DLGAP2: variants seen among roughly 807,000 people sequenced by gnomAD.
The protein encoded by DLGAP2 is DLG associated protein 2, also known as disks large-associated protein 2.
DLGAP2 carries 26 observed loss-of-function variants against 100.3 expected under a neutral mutation model. The observed-to-expected ratio is 0.26, with a 90% CI of 0.19 to 0.36. DLGAP2 has a LOEUF of 0.36. Ranked by LOEUF, DLGAP2 falls within the 10% of genes least tolerant of loss-of-function variation. The pLI is 1.00. For missense variants in DLGAP2, 1,858 were observed against 1,453.2 expected, an observed-to-expected ratio of 1.28 and a Z score of -4.53; for synonymous variants, 886 against 630.1, an observed-to-expected ratio of 1.41 and a Z score of -6.08.
intron 4 of DLGAP2, among the ~76,000 whole-genome samples, chr8:1,520,325 A>G (rs987883769): frequency 6.6e-6 from 1 of 152,086 alleles, no homozygotes; most frequent in African/African-American, 2.4e-5. Flanking sequence ...CCCAGAAAGT[A>G]TTTGGGGAGC....
At chr8:1,060,330 G>A (rs112324702) in intron 2 of DLGAP2, among the ~76,000 whole-genome samples, 3 of 60,130 alleles carry the variant, frequency 5.0e-5, no homozygotes, top group African/African-American at 1.5e-4. Flanking sequence ...CCCTGAGGGC[G>A]TTGGTCCCTC....
rs547835351 is a variant in DLGAP2, at chr8:1,665,708, G to A, written c.1811-2621G>A. On this transcript the variant is annotated intron_variant, in intron 8 of 14. Coordinates refer to ENST00000637795, the MANE Select transcript of DLGAP2 (RefSeq NM_001346810.2). The stretch of plus-strand genomic sequence containing the variant: ...ACTGGAGAGGTCATTGAGAGCCCCC[G>A]TCCGCAGTCTCGCTCCAGCGCGCAG... Among the ~76,000 whole-genome samples, 6 of 152,334 alleles carry A rather than the reference G, an allele frequency of 3.9e-5. No homozygotes were observed. The South Asian group carries it at 6.2e-4, about 16-fold the overall frequency.
At chr8:1,534,872 C>G (rs1313645441) in intron 4 of DLGAP2, among the ~76,000 whole-genome samples, 1 of 152,242 alleles carries the variant, frequency 6.6e-6, no homozygotes. Flanking sequence ...TTGCACGACC[C>G]ACTCTGGAAC....
chr8:820,111 A>C (rs1186326557), intron 1 of DLGAP2, among the ~76,000 whole-genome samples: 2 of 152,242 alleles, frequency 1.3e-5, no homozygotes, highest in Non-Finnish European at 2.9e-5. Flanking sequence ...TTTTCAAGTT[A>C]GTCAGGAAAA....
intron 3 of DLGAP2, among the ~76,000 whole-genome samples, chr8:1,275,978 A>T (rs1011146583): frequency 2.0e-4 from 26 of 130,524 alleles, no homozygotes; most frequent in African/African-American, 7.3e-4. Context: ...ATATATAAAT[A>T]TAATATATAA....
chr8:1,127,159 C>T (rs1405023218), intron 2 of DLGAP2, among the ~76,000 whole-genome samples: 1 of 150,134 alleles, frequency 6.7e-6, no homozygotes, highest in East Asian at 2.0e-4. Context: ...CCCACCCTGT[C>T]CCCAACCCAG....
chr8:847,347 A>G (rs1797089583), intron 1 of DLGAP2, among the ~76,000 whole-genome samples: 1 of 152,084 alleles, frequency 6.6e-6, no homozygotes. Context: ...ACCGGCTATT[A>G]GTGTTTTATT....
chr8:884,489 T>C (rs988280938), intron 1 of DLGAP2, among the ~76,000 whole-genome samples: 2 of 152,168 alleles, frequency 1.3e-5, no homozygotes, highest in Non-Finnish European at 2.9e-5. Context: ...TGTTTTTTTT[T>C]TCCTGTAAAT....
intron 1 of DLGAP2, among the ~76,000 whole-genome samples, chr8:864,884 A>T (rs1797465657): frequency 6.6e-6 from 1 of 152,226 alleles, no homozygotes; most frequent in Admixed American, 6.5e-5. Context: ...ATTATAAGAC[A>T]AATTATACAC....
Position 1,701,323 on chromosome 8 carries a change from G to A in DLGAP2, c.3085G>A (p.Ala1029Thr). ...ARRRLMAAKR[A>T]ASFRQNSASE... ...GAGGCGCCTCATGGCCGCCAAGCGA[G>A]CGGCGTCCTTCCGGCAGAATTCCGC... Residue 1029 changes from alanine (A) to threonine (T), a missense_variant, in exon 15 of 15, where the codon GCG (alanine) becomes ACG (threonine). By Grantham distance (58) the Ala-to-Thr change is moderately conservative. Transcript: ENST00000637795. The A allele has an allele frequency of 6.3e-7, 1 of 1,589,958 alleles. No individual in the cohort carries two copies. Among genetic ancestry groups the A allele is most frequent in the Non-Finnish European group, 8.6e-7 (1 of 1,168,992 alleles).
At chr8:1,195,134 C>G (rs1171355514) in intron 2 of DLGAP2, among the ~76,000 whole-genome samples, 1 of 152,260 alleles carries the variant, frequency 6.6e-6, no homozygotes, top group Non-Finnish European at 1.5e-5. Flanking sequence ...TAGACTGCCC[C>G]TGGTCGCAAA....
chr8:1,445,956 A>C (rs1797974913), intron 3 of DLGAP2, among the ~76,000 whole-genome samples: 1 of 151,802 alleles, frequency 6.6e-6, no homozygotes, highest in South Asian at 2.1e-4. Context: ...TTTTCTTGTA[A>C]ATTTGTTTGA....
At chr8:1,283,317 G>A (rs113275533) in intron 3 of DLGAP2, among the ~76,000 whole-genome samples, 21 of 151,802 alleles carry the variant, frequency 1.4e-4, no homozygotes, top group Non-Finnish European at 2.5e-4. Flanking sequence ...CCATCCAGAC[G>A]TGGTGTGATC....
chr8:1,596,974 C>T (rs921030915), intron 6 of DLGAP2, among the ~76,000 whole-genome samples: 6 of 152,116 alleles, frequency 3.9e-5, no homozygotes, highest in African/African-American at 1.2e-4. Flanking sequence ...CCTAGGTTTT[C>T]TTCTAGGCTT....
At chr8:958,091 A>G (rs551914218) in intron 2 of DLGAP2, among the ~76,000 whole-genome samples, 4 of 152,102 alleles carry the variant, frequency 2.6e-5, no homozygotes, top group Non-Finnish European at 5.9e-5. Flanking sequence ...CTGTGTCTAT[A>G]AATCTGACCA....
intron 3 of DLGAP2, among the ~76,000 whole-genome samples, chr8:1,500,808 C>G (rs1799695332): frequency 6.6e-6 from 1 of 152,238 alleles, no homozygotes; most frequent in Non-Finnish European, 1.5e-5. Flanking sequence ...TGGGTGATCT[C>G]CCAACAGAGG....
intron 2 of DLGAP2, among the ~76,000 whole-genome samples, chr8:944,289 C>G (rs1799263187): frequency 6.6e-6 from 1 of 151,042 alleles, no homozygotes; most frequent in Admixed American, 6.6e-5. Context: ...TGTAACCAGC[C>G]CATGTGGGTG....
intron 2 of DLGAP2, among the ~76,000 whole-genome samples, chr8:1,003,827 T>C (rs1801030818): frequency 6.6e-6 from 1 of 152,164 alleles, no homozygotes; most frequent in South Asian, 2.1e-4. Flanking sequence ...GTGGGAACCA[T>C]TGAGTTAATG....
In DLGAP2 at chr8:1,287,528, A is replaced by AGTGTGT. The variant is rs72312295; in HGVS notation, c.106+28656_106+28661dup. 9.3e-3 allele frequency among the ~76,000 whole-genome samples: 624 copies of AGTGTGT among 67,302 alleles called. 26 individuals carry two copies. The highest frequency in any genetic ancestry group is 0.013 in the Non-Finnish European group (486 of 38,402). 44.2% of individuals were successfully genotyped at this position (67,302 alleles called of 152,430 possible). A position where few individuals can be genotyped will look rare whatever the true frequency, so the allele number is the denominator to read the frequency against. On this transcript the variant is annotated intron_variant, in intron 3 of 14. Coordinates refer to ENST00000637795, the MANE Select transcript of DLGAP2 (RefSeq NM_001346810.2). ...TTAGGAGGGGAACTAGTTTTGGTTC[A>AGTGTGT]GTGTGTGTGTGTGTGTATGTGTGTG...
Sources: allele counts gnomAD v4.1 joint callset (sites outside exome capture counted in the v4.1 genomes callset), GRCh38; gene constraint gnomAD v4.1.1; transcripts MANE v1.5; gene names NCBI Gene and HGNC (gene_info 2026-07-23, HGNC 2026-07-21).